ARVCF: variants seen among roughly 807,000 people sequenced by gnomAD.
ARVCF encodes the protein splicing regulator ARVCF.
ARVCF carries 66 observed loss-of-function variants against 90.9 expected under a neutral mutation model. The ratio of observed to expected loss-of-function variants is 0.73; its 90% CI spans 0.60 to 0.89. ARVCF has a LOEUF of 0.89. Among genes scored for constraint, ARVCF ranks in the 40% least tolerant of loss-of-function variants. The pLI, the probability that ARVCF is intolerant of heterozygous loss-of-function variation, is 0.00. For synonymous variants in ARVCF, 653 were observed against 603.4 expected, an observed-to-expected ratio of 1.08 and a Z score of -1.21; for missense variants, 1,469 against 1,382.3, an observed-to-expected ratio of 1.06 and a Z score of -1.00.
chr22:20,001,312 G>A (rs1053862478), intron 2 of ARVCF, among the ~76,000 whole-genome samples: 8 of 152,142 alleles, frequency 5.3e-5, no homozygotes, highest in African/African-American at 1.9e-4. Flanking sequence ...TGCAGACCCC[G>A]AGCTTGCACA....
downstream of ARVCF, chr22:19,968,513 C>T (rs1363114798): frequency 1.2e-6 from 2 of 1,610,360 alleles, no homozygotes; most frequent in African/African-American, 1.3e-5. Context: ...CCTCACCTCC[C>T]CCACCCCCCG....
At position 19,972,907 on chromosome 22, in the gene ARVCF, A is replaced by C. The variant is rs769972752; in HGVS notation, c.2550+18T>G. ...GCAAAGTGAGCAGGGAATGGAAGGA[A>C]GGCCAGGGAAGCCGCACCTGGAAGC... On this transcript the variant is annotated intron_variant, in intron 15 of 19. Coordinates refer to ENST00000263207, the MANE Select transcript of ARVCF (RefSeq NM_001670.3). The C allele has an allele frequency of 8.1e-6, 13 of 1,613,726 alleles. No homozygotes were observed. Among genetic ancestry groups the C allele is most frequent in the Non-Finnish European group, 1.1e-5 (13 of 1,180,008 alleles).
chr22:19,971,832 C>G, intron 18 of ARVCF, 54 bp downstream of exon 18: 1 of 1,591,262 alleles, frequency 6.3e-7, no homozygotes, highest in Non-Finnish European at 8.6e-7. Context: ...TCTCCAGCAA[C>G]CCCTAGACAC....
At chr22:19,971,481 CG>C (rs1158072771) in intron 18 of ARVCF, 146 bp from the exon 19 acceptor site, 1 of 1,037,842 alleles carries the variant, frequency 9.6e-7, no homozygotes, top group Non-Finnish European at 1.4e-6. Flanking sequence ...CGCAGGGAGC[CG>C]GAAACGTGTG....
rs1015029983 is a variant in ARVCF, at chr22:19,970,342, G to A, written c.*414C>T. ...CAAGTTCTTTCCCAGCCCCCTCCCT[G>A]CCTAGCTGCCTGCCCCTGGCGCCAG... On this transcript the variant is annotated 3_prime_UTR_variant, in exon 20 of 20. Transcript: ENST00000263207. 60 of 999,894 alleles carry A rather than the reference G, an allele frequency of 6.0e-5. No homozygotes were observed. The highest frequency in any genetic ancestry group is 5.1e-4 in the Middle Eastern group (1 of 1,970). 61.9% of individuals were successfully genotyped at this position (999,894 alleles called of 1,614,324 possible). A position where few individuals can be genotyped will look rare whatever the true frequency, so the allele number is the denominator to read the frequency against.
Position 19,979,749 on chromosome 22 carries a change from C to A in ARVCF, c.1390G>T (p.Val464Phe). The change falls in exon 6 of 20, where the codon GTC becomes TTC. Residue 464 changes from valine to phenylalanine, a missense_variant. By Grantham distance (50) the Val-to-Phe change is conservative (BLOSUM62 -1). Transcript: ENST00000263207. ...AARDNEVRELVTGTLWNLSSY... is the reference protein window; with the variant it reads ...AARDNEVRELFTGTLWNLSSY... ...ATGGCCAGGTCCCACTCACCAGTGA[C>A]AAGCTCACGGACCTCGTTGTCCCGG... 1 of 1,596,748 alleles carries A rather than the reference C, an allele frequency of 6.3e-7. No individual in the cohort carries two copies. Among genetic ancestry groups the A allele is most frequent in the African/African-American group, 1.3e-5 (1 of 74,754 alleles).
intron 2 of ARVCF, among the ~76,000 whole-genome samples, chr22:20,009,836 T>C (rs1944760830): frequency 1.3e-5 from 2 of 152,242 alleles, no homozygotes; most frequent in South Asian, 4.1e-4. Context: ...CACGGGCCAG[T>C]ACACATGGCC....
intron 3 of ARVCF, 21 bp from the exon 4 acceptor site, chr22:19,982,112 G>A (rs776516831): frequency 2.8e-5 from 45 of 1,607,612 alleles, no homozygotes; most frequent in Non-Finnish European, 3.8e-5. Context: ...GAGGGACATT[G>A]GTGGGCAGGC....
intron 2 of ARVCF, among the ~76,000 whole-genome samples, chr22:19,993,882 A>T (rs1465458117): frequency 6.6e-6 from 1 of 152,178 alleles, no homozygotes; most frequent in East Asian, 1.9e-4. Flanking sequence ...GCCCCCACCC[A>T]GCCCCAGCCA....
chr22:20,001,573 G>C lies in ARVCF; in HGVS notation c.-19+8882C>G, dbSNP rs192459909. Among the ~76,000 whole-genome samples the C allele has an allele frequency of 1.5e-3, 236 of 152,284 alleles. 2 individuals carry two copies. Among genetic ancestry groups the C allele is most frequent in the African/African-American group, 5.3e-3 (219 of 41,546 alleles). On this transcript the variant is annotated intron_variant, in intron 2 of 19. Transcript: ENST00000263207. ...AATCCCAGCACTTTGGAAGGCCAAG[G>C]TGGGAGGATCACCTGAGGTTGGGAG...
rs559483004 is a variant in ARVCF at position 19,997,019 on chromosome 22, G to A, written c.-18-6207C>T. 7.2e-5 allele frequency among the ~76,000 whole-genome samples: 11 copies of A among 152,338 alleles called. No individual in the cohort carries two copies. The East Asian group carries it at 1.9e-3, about 27-fold the overall frequency. On this transcript the variant is annotated intron_variant, in intron 2 of 19. Transcript: ENST00000263207. ...ATACTCAGAAAGGGCCTCTTCCCAC[G>A]CTGCTCCTGCCCTGCACTAATGCAG...
At chr22:19,985,046 C>G (rs983759712) in intron 3 of ARVCF, among the ~76,000 whole-genome samples, 5 of 152,136 alleles carry the variant, frequency 3.3e-5, no homozygotes, top group Non-Finnish European at 1.5e-5. Context: ...GTGCACCTGC[C>G]CAGGCTGGCC....
chr22:20,011,044 C>T (rs1283713621), intron 1 of ARVCF, among the ~76,000 whole-genome samples: 1 of 152,264 alleles, frequency 6.6e-6, no homozygotes. Flanking sequence ...GGCGGGGAAG[C>T]AGGCAGGTTC....
At chr22:19,998,116 G>T (rs1339337305) in intron 2 of ARVCF, among the ~76,000 whole-genome samples, 1 of 152,232 alleles carries the variant, frequency 6.6e-6, no homozygotes, top group Non-Finnish European at 1.5e-5. Flanking sequence ...ATGCCCTACG[G>T]CCCCACTGAG....
chr22:19,981,038 C>T lies in ARVCF; in HGVS notation c.896+173G>A, dbSNP rs148207167. Reference sequence around the variant, plus strand: ...TGCAGGACAGTGCCCAGCCGAACTCCTACCACCCCAGGGTCCACCTTTCTT... The same window carrying T: ...TGCAGGACAGTGCCCAGCCGAACTCTTACCACCCCAGGGTCCACCTTTCTT... On this transcript the variant is annotated intron_variant, in intron 5 of 19. Coordinates refer to ENST00000263207, the MANE Select transcript of ARVCF (RefSeq NM_001670.3). 7.3e-4 allele frequency: 642 copies of T among 879,414 alleles called. 5 individuals carry two copies. In the African/African-American group the frequency reaches 0.01, roughly 14 times the overall value. 54.5% of individuals were successfully genotyped at this position (879,414 alleles called of 1,614,324 possible). A position where few individuals can be genotyped will look rare whatever the true frequency, so the allele number is the denominator to read the frequency against.
chr22:20,007,916 T>A (rs1944690463), intron 2 of ARVCF, among the ~76,000 whole-genome samples: 1 of 152,196 alleles, frequency 6.6e-6, no homozygotes, highest in Non-Finnish European at 1.5e-5. Context: ...TGTACAAAAC[T>A]AAAGTAAAAA....
chr22:19,974,400 C>T (rs1943031443), intron 11 of ARVCF, 161 bp from the exon 12 acceptor site: 1 of 871,222 alleles, frequency 1.1e-6, no homozygotes, highest in African/African-American at 1.7e-5. Context: ...TATAGTCACC[C>T]AAGGGGAAAA....
Position 19,977,469 on chromosome 22 carries a change from A to T in ARVCF, c.1816T>A (p.Ser606Thr). Reference sequence around the variant, plus strand: ...GCATCATCCCGCCTCCGGCGCTGGGAGCCTACAGCACTGCCCAGGGGCCCG... The same window carrying T: ...GCATCATCCCGCCTCCGGCGCTGGGTGCCTACAGCACTGCCCAGGGGCCCG... ...EPGPLGSAVG[S>T]QRRRRDDASC... Residue 606 changes from serine to threonine, a missense_variant, in exon 9 of 20, where the codon TCC (serine) becomes ACC (threonine). Transcript: ENST00000263207. 3.8e-6 allele frequency: 6 copies of T among 1,572,374 alleles called. No individual in the cohort carries two copies. The South Asian group carries it at 6.9e-5, about 18-fold the overall frequency.
chr22:19,992,198 A>G (rs1258634208), intron 2 of ARVCF, among the ~76,000 whole-genome samples: 3 of 152,232 alleles, frequency 2.0e-5, no homozygotes, highest in Admixed American at 2.0e-4. Context: ...GCGAGAGACC[A>G]GTGCAGGCCC....
Sources: allele counts gnomAD v4.1 joint callset (sites outside exome capture counted in the v4.1 genomes callset), GRCh38; gene constraint gnomAD v4.1.1; transcripts MANE v1.5; gene names NCBI Gene and HGNC (gene_info 2026-07-23, HGNC 2026-07-21).